PCSK2: variants seen among roughly 807,000 people sequenced by gnomAD.
PCSK2 encodes the protein neuroendocrine convertase 2.
PCSK2 carries 14 observed loss-of-function variants against 69.7 expected under a neutral mutation model. The ratio of observed to expected loss-of-function variants is 0.20; its 90% CI spans 0.13 to 0.31. PCSK2 has a LOEUF of 0.31. Among genes scored for constraint, PCSK2 ranks in the 10% least tolerant of loss-of-function variants. PCSK2 has a pLI of 1.00. For missense variants in PCSK2, 544 were observed against 842.5 expected (o/e 0.65, Z 4.39); for synonymous variants, 307 against 320.7 (o/e 0.96, Z 0.46).
chr20:17,241,991 C>G (rs754958021), intron 1 of PCSK2, among the ~76,000 whole-genome samples: 39 of 152,206 alleles, frequency 2.6e-4, no homozygotes, highest in Non-Finnish European at 5.0e-4. Context: ...CAGATAACCA[C>G]TACCTGTCTC....
chr20:17,321,064 G>A (rs1381836737), intron 2 of PCSK2, among the ~76,000 whole-genome samples: 1 of 152,128 alleles, frequency 6.6e-6, no homozygotes, highest in Admixed American at 6.5e-5. Flanking sequence ...TTGTTGTTAT[G>A]CCAACCAATA....
intron 7 of PCSK2, among the ~76,000 whole-genome samples, chr20:17,435,789 T>C (rs1250862943): frequency 6.6e-6 from 1 of 152,158 alleles, no homozygotes; most frequent in African/African-American, 2.4e-5. Context: ...GAGAGAGGCA[T>C]GTGACCCCGT....
intron 5 of PCSK2, among the ~76,000 whole-genome samples, chr20:17,381,871 C>T (rs920936763): frequency 1.3e-5 from 2 of 151,892 alleles, no homozygotes; most frequent in African/African-American, 4.8e-5. Flanking sequence ...TGTGTAGAGG[C>T]CTGTGTGGTG....
chr20:17,311,738 G>A (rs6080634), intron 2 of PCSK2, among the ~76,000 whole-genome samples: 1 of 152,138 alleles, frequency 6.6e-6, no homozygotes, highest in South Asian at 2.1e-4. Context: ...GACCCTACAA[G>A]GAGCCTATAC....
intron 2 of PCSK2, among the ~76,000 whole-genome samples, chr20:17,274,344 CA>C (rs1387592433): frequency 1.3e-5 from 2 of 152,150 alleles, no homozygotes; most frequent in African/African-American, 4.8e-5. Flanking sequence ...TGACCTTCTG[CA>C]ATAGGGCCTG....
intron 7 of PCSK2, among the ~76,000 whole-genome samples, chr20:17,433,540 T>A (rs927751424): frequency 6.6e-6 from 1 of 152,086 alleles, no homozygotes; most frequent in African/African-American, 2.4e-5. Flanking sequence ...GCAGCTCAAA[T>A]CCCCTGGACA....
In PCSK2 at chr20:17,479,993, C is replaced by T. The variant is rs191553930; in HGVS notation, c.1431-1591C>T. Among the ~76,000 whole-genome samples, 3 of 151,806 alleles carry T rather than the reference C, an allele frequency of 2.0e-5. 1 individual carries two copies. Among genetic ancestry groups the T allele is most frequent in the African/African-American group, 7.2e-5 (3 of 41,442 alleles). On this transcript the variant is annotated intron_variant, in intron 11 of 11. Transcript: ENST00000262545. ...ATGCGGTTTCCTTTTTTCCTTCTTT[C>T]TACTGCAAGAACCTTTGAGCTTCTC...
At chr20:17,480,184 C>CTT (rs1164266992) in intron 11 of PCSK2, among the ~76,000 whole-genome samples, 273 of 76,938 alleles carry the variant, frequency 3.5e-3, no homozygotes, top group East Asian at 6.2e-3. Flanking sequence ...TTCAGCTTTT[C>CTT]TTTTTTTTTT....
intron 5 of PCSK2, among the ~76,000 whole-genome samples, chr20:17,380,863 T>C (rs186671778): frequency 0.013 from 1,934 of 152,364 alleles, 17 homozygotes; most frequent in Non-Finnish European, 0.019. Flanking sequence ...CTTTCCACTT[T>C]CCTGCTAACA....
chr20:17,405,794 A>G (rs2031738816), intron 5 of PCSK2, among the ~76,000 whole-genome samples: 3 of 152,162 alleles, frequency 2.0e-5, no homozygotes, highest in Admixed American at 2.0e-4. Flanking sequence ...TCCCCTGTGC[A>G]TTAAACTTTT....
chr20:17,254,502 A>G (rs1004535516), intron 1 of PCSK2, among the ~76,000 whole-genome samples: 4 of 152,206 alleles, frequency 2.6e-5, no homozygotes, highest in African/African-American at 9.6e-5. Context: ...AAATCAATTG[A>G]CCATAAGTTG....
intron 8 of PCSK2, among the ~76,000 whole-genome samples, chr20:17,440,132 G>A (rs911427630): frequency 6.6e-6 from 1 of 152,206 alleles, no homozygotes; most frequent in Non-Finnish European, 1.5e-5. Flanking sequence ...CATTGGCTGG[G>A]GAACTTCAGA....
At chr20:17,285,789 T>G (rs1428906699) in intron 2 of PCSK2, among the ~76,000 whole-genome samples, 1 of 152,182 alleles carries the variant, frequency 6.6e-6, no homozygotes, top group Non-Finnish European at 1.5e-5. Flanking sequence ...GAATTTTCCT[T>G]GCTCCAGATT....
At chr20:17,254,150 T>C (rs1987092813) in intron 1 of PCSK2, among the ~76,000 whole-genome samples, 1 of 152,224 alleles carries the variant, frequency 6.6e-6, no homozygotes, top group African/African-American at 2.4e-5. Flanking sequence ...TTTTCTCCAA[T>C]CTGTGGGTTG....
intron 2 of PCSK2, among the ~76,000 whole-genome samples, chr20:17,275,885 C>A (rs576106999): frequency 6.6e-6 from 1 of 152,262 alleles, no homozygotes; most frequent in Admixed American, 6.5e-5. Flanking sequence ...AGGTCCACCA[C>A]TCACTCACTT....
chr20:17,295,527 ATATTTATT>A (rs10536265), intron 2 of PCSK2, among the ~76,000 whole-genome samples: 7 of 146,766 alleles, frequency 4.8e-5, no homozygotes, highest in Admixed American at 1.4e-4. Flanking sequence ...ATTTTTATAT[ATATTTATT>A]TATTTATATT....
intron 2 of PCSK2, among the ~76,000 whole-genome samples, chr20:17,312,200 T>C (rs1989539777): frequency 6.6e-6 from 1 of 152,206 alleles, no homozygotes; most frequent in Non-Finnish European, 1.5e-5. Flanking sequence ...CTCACCATTC[T>C]GGCATAGTCT....
At chr20:17,245,118 A>C (rs888859779) in intron 1 of PCSK2, among the ~76,000 whole-genome samples, 1 of 152,158 alleles carries the variant, frequency 6.6e-6, no homozygotes, top group African/African-American at 2.4e-5. Context: ...CCTCCCGAAG[A>C]AGAGCTCAGA....
At chr20:17,362,460 C>A (rs900073092) in intron 4 of PCSK2, among the ~76,000 whole-genome samples, 51 of 152,204 alleles carry the variant, frequency 3.4e-4, no homozygotes, top group African/African-American at 1.2e-3. Flanking sequence ...TGGAGTCTAT[C>A]ATGCAGGTGG....
Sources: allele counts gnomAD v4.1 joint callset (sites outside exome capture counted in the v4.1 genomes callset), GRCh38; gene constraint gnomAD v4.1.1; transcripts MANE v1.5; gene names NCBI Gene and HGNC (gene_info 2026-07-23, HGNC 2026-07-21).